DPP4: variants seen among roughly 807,000 people sequenced by gnomAD.
The protein encoded by DPP4 is dipeptidyl peptidase 4, also known as ADCP-2.
In DPP4, 93 loss-of-function variants were observed where a neutral mutation model predicts 122.4. The observed-to-expected ratio is 0.76, with a 90% confidence interval of 0.64 to 0.90. The LOEUF is 0.90. DPP4 is among the 40% of genes least tolerant of loss of function. The pLI, the probability that DPP4 is intolerant of heterozygous loss-of-function variation, is 0.00. For missense variants in DPP4, 914 were observed against 907.3 expected (o/e 1.01, Z -0.09); for synonymous variants, 321 against 302.9 (o/e 1.06, Z -0.62).
At chr2:162,038,219 A>T in intron 8 of DPP4, 83 bp downstream of exon 8, 3 of 1,309,766 alleles carry the variant, frequency 2.3e-6, no homozygotes, top group Non-Finnish European at 3.1e-6. Context: ...AATCTCATTT[A>T]AATTTTCCCA....
At chr2:162,066,284 G>A (rs555121870) in intron 2 of DPP4, among the ~76,000 whole-genome samples, 2 of 151,124 alleles carry the variant, frequency 1.3e-5, no homozygotes, top group African/African-American at 4.9e-5. Context: ...CACCTCCAGT[G>A]CTACCATCCT....
intron 5 of DPP4, among the ~76,000 whole-genome samples, chr2:162,043,454 C>T (rs918503402): frequency 6.6e-6 from 1 of 152,078 alleles, no homozygotes; most frequent in South Asian, 2.1e-4. Flanking sequence ...GGGAAGGGGA[C>T]AGAGTGAAAA....
chr2:162,067,604 T>G (rs1218012485), intron 2 of DPP4, among the ~76,000 whole-genome samples: 1 of 152,188 alleles, frequency 6.6e-6, no homozygotes, highest in African/African-American at 2.4e-5. Flanking sequence ...TCTTTAAATT[T>G]GTAAAAGCTT....
At chr2:162,007,109 CTA>C (rs929444445) in intron 22 of DPP4, among the ~76,000 whole-genome samples, 1 of 151,868 alleles carries the variant, frequency 6.6e-6, no homozygotes, top group Non-Finnish European at 1.5e-5. Context: ...TGAATACTGA[CTA>C]TGCATAATTT....
At chr2:162,053,751 G>A (rs1684467118) in intron 2 of DPP4, among the ~76,000 whole-genome samples, 1 of 152,228 alleles carries the variant, frequency 6.6e-6, no homozygotes, top group Admixed American at 6.5e-5. Flanking sequence ...TGCTAATTCT[G>A]CAGAAGCATA....
At chr2:162,020,545 A>C in intron 13 of DPP4, 36 bp downstream of exon 13, 4 of 1,422,972 alleles carry the variant, frequency 2.8e-6, no homozygotes, top group Non-Finnish European at 2.9e-6. Flanking sequence ...AAAAAAAAAG[A>C]GGTCAACATG....
At chr2:162,054,263 T>G (rs1576068219) in intron 2 of DPP4, among the ~76,000 whole-genome samples, 1 of 152,306 alleles carries the variant, frequency 6.6e-6, no homozygotes, top group East Asian at 1.9e-4. Flanking sequence ...AGCACACAAC[T>G]TATTTGATTT....
intron 12 of DPP4, 22 bp from the exon 13 acceptor site, chr2:162,020,710 A>C: frequency 6.5e-7 from 1 of 1,547,498 alleles, no homozygotes; most frequent in Non-Finnish European, 8.9e-7. Context: ...TAGAGAACAA[A>C]AGAACATTAA....
intron 16 of DPP4, among the ~76,000 whole-genome samples, chr2:162,018,295 A>G (rs1432233261): frequency 2.0e-5 from 3 of 152,204 alleles, no homozygotes; most frequent in Admixed American, 6.5e-5. Flanking sequence ...GACCACCTGC[A>G]TAAGTCACTT....
chr2:162,022,739 A>G lies in DPP4; in HGVS notation c.1068+16T>C, dbSNP rs201854059. On this transcript the variant is annotated intron_variant, in intron 12 of 25. Transcript: ENST00000360534. ...AGCTGACTCATCCATAAAACCCCACAACTTATAACACTTACTCTTCCAACC... is the reference window on the plus strand; with the variant it reads ...AGCTGACTCATCCATAAAACCCCACGACTTATAACACTTACTCTTCCAACC... 6.2e-7 allele frequency: 1 copy of G among 1,613,900 alleles called. No individual in the cohort carries two copies. Among genetic ancestry groups the G allele is most frequent in the Non-Finnish European group, 8.5e-7 (1 of 1,179,878 alleles).
chr2:161,999,246 C>G (rs1701084270), intron 23 of DPP4, among the ~76,000 whole-genome samples: 1 of 152,014 alleles, frequency 6.6e-6, no homozygotes, highest in Middle Eastern at 3.2e-3. Flanking sequence ...AGATAACATA[C>G]AAAGCCAGAA....
intron 2 of DPP4, among the ~76,000 whole-genome samples, chr2:162,066,682 A>G (rs1684957451): frequency 6.6e-6 from 1 of 152,178 alleles, no homozygotes; most frequent in African/African-American, 2.4e-5. Flanking sequence ...TTAAAAGATT[A>G]TTTGGATCAT....
intron 19 of DPP4, among the ~76,000 whole-genome samples, chr2:162,013,063 G>C (rs1682763214): frequency 6.6e-6 from 1 of 150,932 alleles, no homozygotes; most frequent in Admixed American, 6.6e-5. Context: ...AAATTTGGTA[G>C]ATTAAGAGCT....
chr2:162,052,696 G>C (rs1419507336), intron 2 of DPP4, among the ~76,000 whole-genome samples: 1 of 152,194 alleles, frequency 6.6e-6, no homozygotes, highest in Admixed American at 6.5e-5. Flanking sequence ...GTGCAGGCTA[G>C]AAAAAGCCTA....
intron 17 of DPP4, 60 bp downstream of exon 17, chr2:162,017,048 G>C: frequency 6.5e-7 from 1 of 1,546,008 alleles, no homozygotes; most frequent in Non-Finnish European, 8.9e-7. Flanking sequence ...CTAAGTACAT[G>C]TTAGACTTAT....
At position 161,992,951 on chromosome 2, in the gene DPP4, G is replaced by T. The variant is rs1700900116; in HGVS notation, c.*332C>A. On this transcript the variant is annotated 3_prime_UTR_variant, in exon 26 of 26. Transcript: ENST00000360534. The stretch of plus-strand genomic sequence containing the variant: ...AGAGAACAACATTTGAACCAGTCCA[G>T]TTAGAAAAAGATTAAAATCCTGCTC... The T allele has an allele frequency of 1.2e-5, 3 of 260,590 alleles. No individual in the cohort carries two copies. In the South Asian group the frequency reaches 1.5e-4, roughly 13 times the overall value. 16.1% of individuals were successfully genotyped at this position (260,590 alleles called of 1,614,324 possible).
chr2:162,020,561 A>G lies in DPP4; in HGVS notation c.1176+20T>C. ...AAAAAAAAGAGGTCAACATGAAATA[A>G]AATATGTAAGAATACTCACTTTTTT... On this transcript the variant is annotated intron_variant, in intron 13 of 25. Transcript: ENST00000360534. The G allele has an allele frequency of 6.4e-7, 1 of 1,563,212 alleles. No homozygotes were observed.
intron 5 of DPP4, among the ~76,000 whole-genome samples, chr2:162,041,455 A>G (rs1228214601): frequency 1.3e-5 from 2 of 152,200 alleles, no homozygotes; most frequent in Non-Finnish European, 2.9e-5. Context: ...ACACCTAGCT[A>G]TATAATAGCA....
chr2:162,020,381 T>C, intron 13 of DPP4, 85 bp from the exon 14 acceptor site: 1 of 1,213,698 alleles, frequency 8.2e-7, no homozygotes, highest in East Asian at 2.5e-5. Flanking sequence ...AAATCATTTA[T>C]ATCAGGAATT....
Sources: gnomAD v4.1 joint callset for allele counts (sites outside exome capture counted in the v4.1 genomes callset) on GRCh38, gnomAD v4.1.1 for gene constraint, MANE v1.5 for transcripts, NCBI Gene and HGNC (gene_info 2026-07-23, HGNC 2026-07-21) for gene names.